Variants in ECI2 observed in about 807,000 individuals in gnomAD.
The protein encoded by ECI2 is D3,D2-enoyl-CoA isomerase.
Under a neutral mutation model 38.4 loss-of-function variants are expected in ECI2, and 27 were observed. The observed-to-expected ratio is 0.70, with a 90% CI of 0.52 to 0.97. The LOEUF (loss-of-function observed/expected upper bound fraction) is 0.97. ECI2 is among the 50% of genes least tolerant of loss of function. The pLI is 0.00. For synonymous variants in ECI2, 168 were observed against 172.0 expected (o/e 0.98, Z 0.18); for missense variants, 470 against 474.4 (o/e 0.99, Z 0.09).
In ECI2 at chr6:4,121,861, A is replaced by G. The variant is rs1186763367; in HGVS notation, c.796-2586T>C. On this transcript the variant is annotated intron_variant, in intron 7 of 9. Coordinates refer to ENST00000380118, the MANE Select transcript of ECI2 (RefSeq NM_206836.3). ...TATAACTGTTAGAAGATATAAATCTATAACATATGCAGCATATACATAAAA... is the reference window on the plus strand; with the variant it reads ...TATAACTGTTAGAAGATATAAATCTGTAACATATGCAGCATATACATAAAA... The G allele has an allele frequency of 6.9e-6, 4 of 583,388 alleles. No homozygotes were observed. In the East Asian group the frequency reaches 9.3e-5, roughly 14 times the overall value. 36.1% of individuals were successfully genotyped at this position (583,388 alleles called of 1,614,324 possible).
chr6:4,117,345 C>T lies in ECI2; in HGVS notation c.992G>A (p.Trp331Ter), dbSNP rs369831173. The T allele has an allele frequency of 7.4e-6, 12 of 1,613,604 alleles. No homozygotes were observed. In the African/African-American group the frequency reaches 1.3e-4, roughly 18 times the overall value. ...FPDSTFQKEV[W>*]TRLKAFAKLP... ...CTTTGCAAATGCCTTCAGCCTGGTCCAGACTTCTTTCTGAAAAGTGCTATC... is the reference window on the plus strand; with the variant it reads ...CTTTGCAAATGCCTTCAGCCTGGTCTAGACTTCTTTCTGAAAAGTGCTATC... The change falls in exon 9 of 10, where the codon TGG becomes TAG. Residue 331 changes from tryptophan to a stop codon, truncating the protein, a stop_gained. Transcript: ENST00000380118. LOFTEE classifies it low-confidence loss of function (END_TRUNC).
intron 5 of ECI2, among the ~76,000 whole-genome samples, chr6:4,127,234 G>C (rs1773218854): frequency 6.6e-6 from 1 of 151,936 alleles, no homozygotes; most frequent in East Asian, 1.9e-4. Flanking sequence ...TTCTGGTTTT[G>C]GCCGTTATAA....
At chr6:4,122,040 CA>C in intron 7 of ECI2, 1 of 1,587,130 alleles carries the variant, frequency 6.3e-7, no homozygotes, top group South Asian at 1.1e-5. Context: ...TAAAGGGACA[CA>C]AACAGGTACA....
rs375228794 is a variant in ECI2, at chr6:4,127,827, T to C, written c.506A>G (p.Tyr169Cys). Residue 169 changes from tyrosine (Y) to cysteine (C), a missense_variant, in exon 5 of 10, where the codon TAT (tyrosine) becomes TGT (cysteine). Coordinates refer to ENST00000380118, the MANE Select transcript of ECI2 (RefSeq NM_206836.3). The part of the protein sequence containing the change: ...KKKNAINTEM[Y>C]HEIMRALKAA... ...TTTAAGTGCACGCATAATTTCATGA[T>C]ACATCTGTGTAATGGGAAGACAAGG... 10 of 1,612,222 alleles carry C rather than the reference T, an allele frequency of 6.2e-6. No individual in the cohort carries two copies. Among genetic ancestry groups the C allele is most frequent in the Non-Finnish European group, 8.5e-6 (10 of 1,179,268 alleles).
chr6:4,121,597 T>C (rs629362), intron 7 of ECI2, among the ~76,000 whole-genome samples: 45,397 of 151,946 alleles, frequency 0.3, 6,932 homozygotes, highest in East Asian at 0.36. Context: ...TTCCTCAATC[T>C]GTCATTTGTC....
intron 9 of ECI2, among the ~76,000 whole-genome samples, chr6:4,116,883 G>A (rs777346519): frequency 8.5e-5 from 13 of 152,226 alleles, no homozygotes; most frequent in Non-Finnish European, 1.3e-4. Flanking sequence ...AGCTGCTCAA[G>A]CTTCTGGCTC....
intron 1 of ECI2, 160 bp downstream of exon 1, chr6:4,135,351 C>A: frequency 1.3e-6 from 2 of 1,485,590 alleles, no homozygotes; most frequent in South Asian, 1.3e-5. Context: ...CGCGTGAGGT[C>A]GTCACTTTTT....
rs1772483451 is a variant in ECI2 at position 4,119,089 on chromosome 6, T to C, written c.885+97A>G. On this transcript the variant is annotated intron_variant, in intron 8 of 9. Coordinates refer to ENST00000380118, the MANE Select transcript of ECI2 (RefSeq NM_206836.3). ...AAATCATTAGCTTCTCTTTTGTCCA[T>C]ATTACCAAGGGAAAGAAGGGAGAGT... 46 of 1,010,526 alleles carry C rather than the reference T, an allele frequency of 4.6e-5. 3 individuals are homozygous for C. The South Asian group carries it at 7.1e-4, about 16-fold the overall frequency. 62.6% of individuals were successfully genotyped at this position (1,010,526 alleles called of 1,614,324 possible).
intron 6 of ECI2, chr6:4,125,793 T>G: frequency 4.6e-6 from 2 of 434,116 alleles, no homozygotes; most frequent in Non-Finnish European, 4.3e-6. Context: ...CCGAGTCTCC[T>G]ACCTTCAGCG....
intron 1 of ECI2, chr6:4,135,078 T>G: frequency 2.2e-6 from 1 of 464,746 alleles, no homozygotes; most frequent in Non-Finnish European, 4.3e-6. Context: ...AGAAGCAGAG[T>G]GTTAAGTCCA....
rs1772476489 is a variant in ECI2 at position 4,119,028 on chromosome 6, T to A, written c.885+158A>T. The A allele has an allele frequency of 1.0e-5, 6 of 597,528 alleles. No homozygotes were observed. In the East Asian group the frequency reaches 1.8e-4, roughly 18 times the overall value. 37.0% of individuals were successfully genotyped at this position (597,528 alleles called of 1,614,324 possible). A position where few individuals can be genotyped will look rare whatever the true frequency, so the allele number is the denominator to read the frequency against. Reference sequence around the variant, plus strand: ...TAGCAGATACTTCCCATAGCCTGATTCCTCCATTGGTAAAACTCTTAAAGA... The same window carrying A: ...TAGCAGATACTTCCCATAGCCTGATACCTCCATTGGTAAAACTCTTAAAGA... On this transcript the variant is annotated intron_variant, in intron 8 of 9. Transcript: ENST00000380118.
chr6:4,135,073 C>CA, intron 1 of ECI2: 1 of 461,792 alleles, frequency 2.2e-6, no homozygotes, highest in Non-Finnish European at 4.3e-6. Context: ...CTCCAAGAAG[C>CA]AGAGTGTTAA....
intron 4 of ECI2, among the ~76,000 whole-genome samples, chr6:4,128,728 A>C (rs1417509825): frequency 1.3e-5 from 2 of 152,174 alleles, no homozygotes; most frequent in East Asian, 1.9e-4. Flanking sequence ...TTAATATAGC[A>C]TTTACATTGT....
At chr6:4,121,199 A>G (rs963778001) in intron 7 of ECI2, among the ~76,000 whole-genome samples, 3 of 152,228 alleles carry the variant, frequency 2.0e-5, no homozygotes, top group Admixed American at 2.0e-4. Context: ...GTCCCTAACC[A>G]TTAATGGTAT....
At position 4,126,314 on chromosome 6, in the gene ECI2, A is replaced by G. The variant is rs1581983770; in HGVS notation, c.572-77T>C. 4.0e-5 allele frequency: 50 copies of G among 1,255,388 alleles called. No individual in the cohort carries two copies. The East Asian group carries it at 1.2e-3, about 29-fold the overall frequency. The allele number at this position is 1,255,388 out of a possible 1,614,324, so 77.8% of individuals were successfully genotyped here. A position where few individuals can be genotyped will look rare whatever the true frequency, so the allele number is the denominator to read the frequency against. ...GAGTATCTACTGCATGCCAAACTCT[A>G]TGGTTAGGCAAGGGAAATACATTGG... On this transcript the variant is annotated intron_variant, in intron 5 of 9. Coordinates refer to ENST00000380118, the MANE Select transcript of ECI2 (RefSeq NM_206836.3).
chr6:4,116,086 C>T (rs1403233937), intron 9 of ECI2, 57 bp from the exon 10 acceptor site: 3 of 1,563,912 alleles, frequency 1.9e-6, no homozygotes, highest in African/African-American at 1.4e-5. Flanking sequence ...GACGTGGACT[C>T]ATGCCTGTAA....
chr6:4,126,386 C>T, intron 5 of ECI2, 149 bp from the exon 6 acceptor site: 1 of 632,934 alleles, frequency 1.6e-6, no homozygotes, highest in Non-Finnish European at 2.7e-6. Flanking sequence ...AGTGAGTACG[C>T]TGGACACTGA....
At chr6:4,135,429 T>G (rs1773676918) in intron 1 of ECI2, 82 bp downstream of exon 1, 1 of 1,603,136 alleles carries the variant, frequency 6.2e-7, no homozygotes, top group African/African-American at 1.3e-5. Context: ...GGAAGGAGGG[T>G]CTTCCAACGG....
At position 4,119,181 on chromosome 6, in the gene ECI2, G is replaced by C. The variant is rs1165335031; in HGVS notation, c.885+5C>G. 6.2e-7 allele frequency: 1 copy of C among 1,608,062 alleles called. No individual in the cohort carries two copies. Among genetic ancestry groups the C allele is most frequent in the African/African-American group, 1.3e-5 (1 of 74,442 alleles). ...AATTTTATATTTAAACATTCCAAAA[G>C]TTACCTTGGCTGGGCTCATTATCTT... is the stretch of plus-strand genomic sequence containing the variant. On this transcript the variant is annotated splice_donor_5th_base_variant and intron_variant, in intron 8 of 9. Transcript: ENST00000380118.
Sources: allele counts gnomAD v4.1 joint callset (sites outside exome capture counted in the v4.1 genomes callset), GRCh38; gene constraint gnomAD v4.1.1; transcripts MANE v1.5; gene names NCBI Gene and HGNC (gene_info 2026-07-23, HGNC 2026-07-21).